CDK5R2: variants seen among roughly 807,000 people sequenced by gnomAD.
CDK5R2 encodes the protein cyclin dependent kinase 5 regulatory subunit 2.
A neutral mutation model predicts 23.1 loss-of-function variants in CDK5R2; 7 were observed. The ratio of observed to expected loss-of-function variants is 0.30; its 90% CI spans 0.17 to 0.57. CDK5R2 has a LOEUF of 0.57. Ranked by LOEUF, CDK5R2 falls within the 20% of genes least tolerant of loss-of-function variation. The pLI, the probability that CDK5R2 is intolerant of heterozygous loss-of-function variation, is 0.91. For missense variants in CDK5R2, 380 were observed against 537.6 expected, an observed-to-expected ratio of 0.71 and a Z score of 2.90; for synonymous variants, 242 against 264.9, an observed-to-expected ratio of 0.91 and a Z score of 0.84.
At position 218,960,839 on chromosome 2, in the gene CDK5R2, G is replaced by A. The variant is rs537828749; in HGVS notation, c.1019G>A (p.Ser340Asn). Residue 340 changes from serine (S) to asparagine (N), a missense_variant, in exon 1 of 1, where the codon AGC becomes AAC. Coordinates refer to ENST00000302625, the MANE Select transcript of CDK5R2 (RefSeq NM_003936.5). ...GCCGCCAGCGGCGGGGGCCCACCGA[G>A]CGGGGGCGCGCCCGCCGCCTCCTCG... ...EAAASGGGPP[S>N]GGAPAASSAA... 6.6e-7 allele frequency: 1 copy of A among 1,515,898 alleles called. No homozygotes were observed. Among genetic ancestry groups the A allele is most frequent in the Admixed American group, 2.7e-5 (1 of 36,874 alleles). 93.9% of individuals were successfully genotyped at this position (1,515,898 alleles called of 1,614,324 possible). A position where few individuals can be genotyped will look rare whatever the true frequency, so the allele number is the denominator to read the frequency against.
Position 218,960,959 on chromosome 2 carries a change from G to A in CDK5R2, c.*35G>A. ...GGGGCCGCGCCCATCCCCCGCCCCA[G>A]CCCCTGACACACACTCGGACCCCCC... On this transcript the variant is annotated 3_prime_UTR_variant, in exon 1 of 1. Coordinates refer to ENST00000302625, the MANE Select transcript of CDK5R2 (RefSeq NM_003936.5). 2.6e-6 allele frequency: 3 copies of A among 1,133,554 alleles called. No individual in the cohort carries two copies. The highest frequency in any genetic ancestry group is 2.2e-5 in the South Asian group (1 of 45,936). 70.2% of individuals were successfully genotyped at this position (1,133,554 alleles called of 1,614,324 possible).
At position 218,959,960 on chromosome 2, in the gene CDK5R2, G is replaced by T. The variant is rs757681013; in HGVS notation, c.140G>T (p.Gly47Val). 1 of 1,543,346 alleles carries T rather than the reference G, an allele frequency of 6.5e-7. No homozygotes were observed. The highest frequency in any genetic ancestry group is 8.7e-7 in the Non-Finnish European group (1 of 1,147,476). The change falls in exon 1 of 1, where the codon GGC becomes GTC. Residue 47 changes from glycine to valine, a missense_variant. Coordinates refer to ENST00000302625, the MANE Select transcript of CDK5R2 (RefSeq NM_003936.5). This position sits in a 1 kb window ranked among gnomAD's most constrained non-coding sequence, Gnocchi z 4.0. ...GGYGAPPVGK[G>V]GKGESRLKRP... ...TACGGGGCGCCGCCAGTGGGCAAGG[G>T]CGGCAAAGGCGAGAGCCGACTCAAG...
Position 218,961,182 on chromosome 2 carries a change from C to T in CDK5R2, c.*258C>T. ...ACCTCACTCTTCCCGTCTGTCTGCG[C>T]CCCCATTTCTCCATTTCTGCCGGGG... On this transcript the variant is annotated 3_prime_UTR_variant, in exon 1 of 1. Transcript: ENST00000302625. The surrounding 1 kb of genome is among the most constrained non-coding windows in gnomAD (Gnocchi z 4.4). 2 of 403,428 alleles carry T rather than the reference C, an allele frequency of 5.0e-6. No homozygotes were observed. The highest frequency in any genetic ancestry group is 6.5e-4 in the Middle Eastern group (1 of 1,532). The allele number at this position is 403,428 out of a possible 1,614,324, so 25.0% of individuals were successfully genotyped here.
At position 218,960,763 on chromosome 2, in the gene CDK5R2, C is replaced by T; in HGVS notation, c.943C>T (p.Pro315Ser). 6.2e-7 allele frequency: 1 copy of T among 1,613,650 alleles called. No homozygotes were observed. ...GCAGATGCTGCGGCTCAACGCCGAC[C>T]CCCACTTCTTCACGCAGGTCTTTCA... ...SPQMLRLNAD[P>S]HFFTQVFQDL... is the part of the protein sequence containing the mutation. The change falls in exon 1 of 1, where the codon CCC (proline) becomes TCC (serine). Residue 315 changes from proline to serine, a missense_variant. Physicochemically the swap from Pro to Ser is moderately conservative, Grantham distance 74. Coordinates refer to ENST00000302625, the MANE Select transcript of CDK5R2 (RefSeq NM_003936.5).
chr2:218,960,270 G>C lies in CDK5R2; in HGVS notation c.450G>C (p.Ser150=), dbSNP rs75803206. The C allele has an allele frequency of 8.6e-6, 11 of 1,282,804 alleles. No homozygotes were observed. The highest frequency in any genetic ancestry group is 6.2e-5 in the African/African-American group (4 of 64,004). The allele number at this position is 1,282,804 out of a possible 1,614,324, so 79.5% of individuals were successfully genotyped here. A position where few individuals can be genotyped will look rare whatever the true frequency, so the allele number is the denominator to read the frequency against. The change falls in exon 1 of 1, where the codon TCG becomes TCC. Residue 150 remains serine, a synonymous_variant. Coordinates refer to ENST00000302625, the MANE Select transcript of CDK5R2 (RefSeq NM_003936.5). ...GCGCGGCCGCTCAGCCGCCGGGCTC[G>C]GGCGGGGGAAAGCCTCCGCCGCCGC... is the stretch of plus-strand genomic sequence containing the variant. ...GGSAAAQPPG[S]GGGKPPPPPP...
At position 218,960,776 on chromosome 2, in the gene CDK5R2, C is replaced by A. The variant is rs1035266904; in HGVS notation, c.956C>A (p.Thr319Lys). ...LRLNADPHFF[T>K]QVFQDLKNEG... The stretch of plus-strand genomic sequence containing the variant: ...CTCAACGCCGACCCCCACTTCTTCA[C>A]GCAGGTCTTTCAAGACCTCAAGAAC... The change falls in exon 1 of 1, where the codon ACG becomes AAG. Residue 319 changes from threonine (T) to lysine (K), a missense_variant. Physicochemically the swap from Thr to Lys is moderately conservative, Grantham distance 78 (BLOSUM62 -1). This residue lies in a region of CDK5R2 where 124 missense variants were observed against 235.5 expected (regional missense o/e 0.53). Coordinates refer to ENST00000302625, the MANE Select transcript of CDK5R2 (RefSeq NM_003936.5). 4.3e-6 allele frequency: 7 copies of A among 1,613,672 alleles called. No individual in the cohort carries two copies. The highest frequency in any genetic ancestry group is 5.9e-6 in the Non-Finnish European group (7 of 1,179,864).
Position 218,959,849 on chromosome 2 carries a change from C to G in CDK5R2, c.29C>G (p.Ala10Gly). The G allele has an allele frequency of 7.1e-7, 1 of 1,416,054 alleles. No homozygotes were observed. Among genetic ancestry groups the G allele is most frequent in the African/African-American group, 1.5e-5 (1 of 66,480 alleles). 87.7% of individuals were successfully genotyped at this position (1,416,054 alleles called of 1,614,324 possible). A position where few individuals can be genotyped will look rare whatever the true frequency, so the allele number is the denominator to read the frequency against. Residue 10 changes from alanine to glycine, a missense_variant, in exon 1 of 1, where the codon GCC (alanine) becomes GGC (glycine). This residue lies in a region of CDK5R2 where 197 missense variants were observed against 246.4 expected (regional missense o/e 0.80). Transcript: ENST00000302625. The surrounding 1 kb of genome is among the most constrained non-coding windows in gnomAD (Gnocchi z 4.0). MGTVLSLSP[A>G]SSAKGRRPGG... ...GGCACAGTGCTGTCTCTTTCGCCTGCCTCCTCGGCCAAGGGCCGGAGGCCC... is the reference window on the plus strand; with the variant it reads ...GGCACAGTGCTGTCTCTTTCGCCTGGCTCCTCGGCCAAGGGCCGGAGGCCC...
chr2:218,960,240 G>T lies in CDK5R2; in HGVS notation c.420G>T (p.Gly140=). 7.7e-7 allele frequency: 1 copy of T among 1,297,492 alleles called. No homozygotes were observed. The highest frequency in any genetic ancestry group is 9.7e-7 in the Non-Finnish European group (1 of 1,029,946). The allele number at this position is 1,297,492 out of a possible 1,614,324, so 80.4% of individuals were successfully genotyped here. The change falls in exon 1 of 1, where the codon GGG becomes GGT. Residue 140 remains glycine (G), a synonymous_variant. Coordinates refer to ENST00000302625, the MANE Select transcript of CDK5R2 (RefSeq NM_003936.5). The part of the protein sequence containing the change: ...AAAATCEPPS[G]GSAAAQPPGS... ...CCGCCACCTGCGAGCCACCGTCGGG[G>T]GGCAGCGCGGCCGCTCAGCCGCCGG...
chr2:218,961,018 C>T lies in CDK5R2; in HGVS notation c.*94C>T. 1 of 616,982 alleles carries T rather than the reference C, an allele frequency of 1.6e-6. No homozygotes were observed. Among genetic ancestry groups the T allele is most frequent in the Non-Finnish European group, 2.6e-6 (1 of 391,696 alleles). The allele number at this position is 616,982 out of a possible 1,614,324, so 38.2% of individuals were successfully genotyped here. ...AAAGCCACCGCCGCTGTTACCGCCGCTCAGCGCCCCGGCTGGGCGGAGGAG... is the reference window on the plus strand; with the variant it reads ...AAAGCCACCGCCGCTGTTACCGCCGTTCAGCGCCCCGGCTGGGCGGAGGAG... On this transcript the variant is annotated 3_prime_UTR_variant, in exon 1 of 1. Coordinates refer to ENST00000302625, the MANE Select transcript of CDK5R2 (RefSeq NM_003936.5). This position sits in a 1 kb window ranked among gnomAD's most constrained non-coding sequence, Gnocchi z 4.4.
rs1574480585 is a variant in CDK5R2, at chr2:218,960,783, C to A, written c.963C>A (p.Val321=). The A allele has an allele frequency of 6.2e-7, 1 of 1,613,394 alleles. No homozygotes were observed. Among genetic ancestry groups the A allele is most frequent in the East Asian group, 2.2e-5 (1 of 44,834 alleles). Residue 321 remains valine, a synonymous_variant, in exon 1 of 1, where the codon GTC becomes GTA. Coordinates refer to ENST00000302625, the MANE Select transcript of CDK5R2 (RefSeq NM_003936.5). ...CCGACCCCCACTTCTTCACGCAGGT[C>A]TTTCAAGACCTCAAGAACGAGGGCG... ...LNADPHFFTQ[V]FQDLKNEGEA...
chr2:218,960,308 C>G lies in CDK5R2; in HGVS notation c.488C>G (p.Pro163Arg), dbSNP rs1403850905. The G allele has an allele frequency of 3.4e-6, 5 of 1,467,776 alleles. No individual in the cohort carries two copies. The highest frequency in any genetic ancestry group is 2.5e-5 in the Admixed American group (1 of 39,774). 90.9% of individuals were successfully genotyped at this position (1,467,776 alleles called of 1,614,324 possible). ...CCTCCGCCGCCGCCTCCCCCAGCCC[C>G]GCAGGTGGCGCCGCCGGTGCCTGGC... ...GKPPPPPPPA[P>R]QVAPPVPGGS... Residue 163 changes from proline (P) to arginine (R), a missense_variant, in exon 1 of 1, where the codon CCG (proline) becomes CGG (arginine). By Grantham distance (103) the Pro-to-Arg change is moderately radical. Coordinates refer to ENST00000302625, the MANE Select transcript of CDK5R2 (RefSeq NM_003936.5).
In CDK5R2 at chr2:218,959,770, G is replaced by C. The variant is rs1945187134; in HGVS notation, c.-51G>C. 8.1e-7 allele frequency: 1 copy of C among 1,234,592 alleles called. No homozygotes were observed. The highest frequency in any genetic ancestry group is 1.6e-5 in the African/African-American group (1 of 64,248). The allele number at this position is 1,234,592 out of a possible 1,614,324, so 76.5% of individuals were successfully genotyped here. ...GTCCCCCGGGGCTGCAGTAGCAGCG[G>C]CGCCGCCCGCGGCTCCCGCTGGGGC... On this transcript the variant is annotated 5_prime_UTR_variant, in exon 1 of 1. Coordinates refer to ENST00000302625, the MANE Select transcript of CDK5R2 (RefSeq NM_003936.5). The surrounding 1 kb of genome is among the most constrained non-coding windows in gnomAD (Gnocchi z 4.0).
chr2:218,961,038 G>T lies in CDK5R2; in HGVS notation c.*114G>T, dbSNP rs959450939. The T allele has an allele frequency of 7.4e-6, 4 of 537,022 alleles. No homozygotes were observed. In the Admixed American group the frequency reaches 1.7e-4, roughly 23 times the overall value. 33.3% of individuals were successfully genotyped at this position (537,022 alleles called of 1,614,324 possible). A position where few individuals can be genotyped will look rare whatever the true frequency, so the allele number is the denominator to read the frequency against. ...CGCCGCTCAGCGCCCCGGCTGGGCGGAGGAGGAGACGCCCATGCCCCTCAG... is the reference window on the plus strand; with the variant it reads ...CGCCGCTCAGCGCCCCGGCTGGGCGTAGGAGGAGACGCCCATGCCCCTCAG... On this transcript the variant is annotated 3_prime_UTR_variant, in exon 1 of 1. Transcript: ENST00000302625. The surrounding 1 kb of genome is among the most constrained non-coding windows in gnomAD (Gnocchi z 4.4).
rs144368604 is a variant in CDK5R2, at chr2:218,959,986, C to A, written c.166C>A (p.Arg56=). 4.4e-5 allele frequency: 69 copies of A among 1,558,100 alleles called. 2 individuals carry two copies. The Middle Eastern group carries it at 3.4e-3, about 78-fold the overall frequency. Residue 56 remains arginine (R), a synonymous_variant, in exon 1 of 1, where the codon CGG becomes AGG. Transcript: ENST00000302625. The surrounding 1 kb of genome is among the most constrained non-coding windows in gnomAD (Gnocchi z 4.0). The part of the protein sequence containing the change: ...KGGKGESRLK[R]PSVLISALTW... ...CGGCAAAGGCGAGAGCCGACTCAAG[C>A]GGCCGTCCGTGCTCATCTCGGCGCT...
Position 218,960,033 on chromosome 2 carries a change from C to T in CDK5R2, c.213C>T (p.Ala71=), listed in dbSNP as rs774552967. 7.5e-6 allele frequency: 12 copies of T among 1,595,406 alleles called. No homozygotes were observed. Among genetic ancestry groups the T allele is most frequent in the African/African-American group, 5.4e-5 (4 of 73,512 alleles). The change falls in exon 1 of 1, where the codon GCC becomes GCT. Residue 71 remains alanine, a synonymous_variant. Coordinates refer to ENST00000302625, the MANE Select transcript of CDK5R2 (RefSeq NM_003936.5). The stretch of plus-strand genomic sequence containing the variant: ...CGCTCACCTGGAAGCGCCTGGTGGC[C>T]GCGTCCGCCAAGAAGAAGAAAGGCA... ...ISALTWKRLV[A]ASAKKKKGSK... is the part of the protein sequence containing the mutation.
Position 218,961,129 on chromosome 2 carries a change from GGAAGATGA to G in CDK5R2, c.*207_*214del. The stretch of plus-strand genomic sequence containing the variant: ...GATTTGCTGGGCGTGGAGTGGGGAC[GGAAGATGA>G]GCGCGGGAAAGGCACTCCAACCTCA... On this transcript the variant is annotated 3_prime_UTR_variant, in exon 1 of 1. Transcript: ENST00000302625. This position sits in a 1 kb window ranked among gnomAD's most constrained non-coding sequence, Gnocchi z 4.4. The G allele has an allele frequency of 4.6e-6, 2 of 433,132 alleles. No homozygotes were observed. The highest frequency in any genetic ancestry group is 4.1e-6 in the Non-Finnish European group (1 of 242,212). 26.8% of individuals were successfully genotyped at this position (433,132 alleles called of 1,614,324 possible).
In CDK5R2 at chr2:218,962,152, T is replaced by G. The variant is rs1945213018; in HGVS notation, c.*1228T>G. On this transcript the variant is annotated 3_prime_UTR_variant, in exon 1 of 1. Transcript: ENST00000302625. The stretch of plus-strand genomic sequence containing the variant: ...AGAACTATAAAGCGCTGGAAGCGCC[T>G]GCAGATGGTTTTGCGCCGGTCTTTC... The G allele has an allele frequency of 6.0e-6, 1 of 167,200 alleles. No individual in the cohort carries two copies. 10.4% of individuals were successfully genotyped at this position (167,200 alleles called of 1,614,324 possible). A position where few individuals can be genotyped will look rare whatever the true frequency, so the allele number is the denominator to read the frequency against.
Position 218,959,911 on chromosome 2 carries a change from G to A in CDK5R2, c.91G>A (p.Ala31Thr). 1 of 1,471,796 alleles carries A rather than the reference G, an allele frequency of 6.8e-7. No homozygotes were observed. The highest frequency in any genetic ancestry group is 1.5e-5 in the African/African-American group (1 of 67,894). 91.2% of individuals were successfully genotyped at this position (1,471,796 alleles called of 1,614,324 possible). A position where few individuals can be genotyped will look rare whatever the true frequency, so the allele number is the denominator to read the frequency against. ...CGAGGAGAAGAAGAAGGCGCCGCCC[G>A]CGGGGGACGAGGCGCTGGGGGGCTA... Reference protein sequence around the residue: ...LPEEKKKAPPAGDEALGGYGA... With the variant: ...LPEEKKKAPPTGDEALGGYGA... Residue 31 changes from alanine (A) to threonine (T), a missense_variant, in exon 1 of 1, where the codon GCG becomes ACG. Physicochemically the swap from Ala to Thr is moderately conservative, Grantham distance 58. Transcript: ENST00000302625. The surrounding 1 kb of genome is among the most constrained non-coding windows in gnomAD (Gnocchi z 4.0).
At position 218,960,177 on chromosome 2, in the gene CDK5R2, GC is replaced by G; in HGVS notation, c.361del (p.Leu121TrpfsTer84). On this transcript the variant is annotated frameshift_variant, in exon 1 of 1. Coordinates refer to ENST00000302625, the MANE Select transcript of CDK5R2 (RefSeq NM_003936.5). LOFTEE classifies it high-confidence loss of function. The stretch of plus-strand genomic sequence containing the variant: ...CCCCCGACGGCGGCGGCACCGCCAA[GC>G]CCCTGGCGGTGCCAGTGCCCACCGT... ...DPPDGGGTAK[P>X]LAVPVPTVPA... 6.6e-7 allele frequency: 1 copy of G among 1,514,062 alleles called. No individual in the cohort carries two copies. Among genetic ancestry groups the G allele is most frequent in the East Asian group, 2.8e-5 (1 of 35,874 alleles). The allele number at this position is 1,514,062 out of a possible 1,614,324, so 93.8% of individuals were successfully genotyped here. A position where few individuals can be genotyped will look rare whatever the true frequency, so the allele number is the denominator to read the frequency against.
Sources: allele counts gnomAD v4.1 joint callset, GRCh38; gene constraint gnomAD v4.1.1; regional missense constraint gnomAD v4.1.1; non-coding constraint Gnocchi (gnomAD v3.1); transcripts MANE v1.5; gene names NCBI Gene and HGNC (gene_info 2026-07-23, HGNC 2026-07-21).